Variants in PRKCE observed in about 807,000 individuals in gnomAD.
PRKCE encodes protein kinase C epsilon type.
In PRKCE, 16 loss-of-function variants were observed where a neutral mutation model predicts 85.4. That is an observed-to-expected ratio of 0.19 (90% CI 0.13 to 0.28). The LOEUF (loss-of-function observed/expected upper bound fraction) is 0.28. Ranked by LOEUF, PRKCE falls within the 10% of genes least tolerant of loss-of-function variation. PRKCE has a pLI of 1.00. For missense variants in PRKCE, 573 were observed against 975.2 expected (o/e 0.59, Z 5.49); for synonymous variants, 388 against 371.5 (o/e 1.04, Z -0.51).
At chr2:45,975,687 C>T (rs1462901680) in intron 2 of PRKCE, among the ~76,000 whole-genome samples, 1 of 152,128 alleles carries the variant, frequency 6.6e-6, no homozygotes, top group Non-Finnish European at 1.5e-5. Flanking sequence ...AGTCCCCTTG[C>T]AAGGCATTCT....
chr2:45,690,455 C>T (rs917799739), intron 1 of PRKCE, among the ~76,000 whole-genome samples: 3 of 152,218 alleles, frequency 2.0e-5, no homozygotes, highest in African/African-American at 7.2e-5. Flanking sequence ...GAAGGAAGCA[C>T]ATTTATTCAC....
chr2:45,781,090 T>C (rs1309850912), intron 1 of PRKCE, among the ~76,000 whole-genome samples: 2 of 152,010 alleles, frequency 1.3e-5, no homozygotes, highest in Non-Finnish European at 2.9e-5. Flanking sequence ...CCCAGCACTT[T>C]GGGAGGCTGA....
intron 11 of PRKCE, among the ~76,000 whole-genome samples, chr2:46,141,449 G>A (rs1256310987): frequency 1.3e-5 from 2 of 152,124 alleles, no homozygotes; most frequent in African/African-American, 4.8e-5. Flanking sequence ...ATGATCAAGA[G>A]AATACACAGG....
intron 1 of PRKCE, among the ~76,000 whole-genome samples, chr2:45,699,426 G>A (rs762761968): frequency 2.0e-5 from 3 of 152,190 alleles, no homozygotes; most frequent in Non-Finnish European, 2.9e-5. Flanking sequence ...GCTCAGTAAA[G>A]GTTGGCTGAG....
At chr2:45,877,031 C>T (rs916494993) in intron 2 of PRKCE, among the ~76,000 whole-genome samples, 3 of 152,182 alleles carry the variant, frequency 2.0e-5, no homozygotes, top group Non-Finnish European at 2.9e-5. Flanking sequence ...TTAAAGTTAA[C>T]CAGAACTTTT....
chr2:46,127,821 T>A (rs753057123), intron 11 of PRKCE, among the ~76,000 whole-genome samples: 8 of 152,234 alleles, frequency 5.3e-5, no homozygotes, highest in Non-Finnish European at 1.0e-4. Flanking sequence ...AGCTCACAGA[T>A]ACAGTAGGCA....
intron 1 of PRKCE, among the ~76,000 whole-genome samples, chr2:45,704,266 T>G (rs951249736): frequency 1.3e-5 from 2 of 152,190 alleles, no homozygotes; most frequent in African/African-American, 4.8e-5. Flanking sequence ...GCTTAGTATG[T>G]TGGGGTTGGT....
chr2:46,134,112 A>T (rs190074983), intron 11 of PRKCE, among the ~76,000 whole-genome samples: 1 of 152,332 alleles, frequency 6.6e-6, no homozygotes, highest in East Asian at 1.9e-4. Context: ...TACTCATTCC[A>T]TACATTATCT....
chr2:45,961,697 T>A (rs1054301938), intron 2 of PRKCE, among the ~76,000 whole-genome samples: 1 of 54,366 alleles, frequency 1.8e-5, no homozygotes, highest in African/African-American at 1.3e-4. Flanking sequence ...GCCAGGATTC[T>A]TTTTTTTTTT....
chr2:45,864,577 A>G (rs1693432003), intron 2 of PRKCE, among the ~76,000 whole-genome samples: 1 of 152,214 alleles, frequency 6.6e-6, no homozygotes, highest in African/African-American at 2.4e-5. Flanking sequence ...TGTCTTACAC[A>G]TTTTTATGAA....
chr2:45,809,578 T>C (rs1310735791), intron 1 of PRKCE, among the ~76,000 whole-genome samples: 5 of 151,988 alleles, frequency 3.3e-5, no homozygotes, highest in Non-Finnish European at 5.9e-5. Flanking sequence ...TGTTTTTTTT[T>C]CTCACACATG....
chr2:45,935,515 G>A (rs761502018), intron 2 of PRKCE, among the ~76,000 whole-genome samples: 27 of 152,132 alleles, frequency 1.8e-4, no homozygotes, highest in Non-Finnish European at 3.2e-4. Flanking sequence ...GGTTGGGCAC[G>A]GTGGCTCACG....
chr2:46,132,711 C>T lies in PRKCE; in HGVS notation c.1593-12382C>T, dbSNP rs982784155. On this transcript the variant is annotated intron_variant, in intron 11 of 14. Coordinates refer to ENST00000306156, the MANE Select transcript of PRKCE (RefSeq NM_005400.3). ...ATATATGCATATATGCACACGTGCG[C>T]GCACAAACACATTTCTTAGCCGTTG... is the stretch of plus-strand genomic sequence containing the variant. Among the ~76,000 whole-genome samples, 35 of 152,300 alleles carry T rather than the reference C, an allele frequency of 2.3e-4. 2 individuals carry two copies. Among genetic ancestry groups the T allele is most frequent in the Admixed American group, 1.6e-3 (24 of 15,300 alleles).
chr2:45,854,823 C>A (rs965123598), intron 2 of PRKCE, among the ~76,000 whole-genome samples: 24 of 152,072 alleles, frequency 1.6e-4, no homozygotes, highest in Admixed American at 9.8e-4. Flanking sequence ...TAAAATGTGG[C>A]CAAGTGGAAT....
rs139374925 is a variant in PRKCE, at chr2:46,055,491, G to A, written c.1438-30717G>A. On this transcript the variant is annotated intron_variant, in intron 10 of 14. Transcript: ENST00000306156. ...CTCAGTCAGACTGAAATTCATCAAA[G>A]CTAGTTATCTGGCTTGTGTATTTTC... 2.6e-3 allele frequency among the ~76,000 whole-genome samples: 390 copies of A among 152,318 alleles called. 5 individuals carry two copies. Among genetic ancestry groups the A allele is most frequent in the African/African-American group, 9.0e-3 (375 of 41,572 alleles).
intron 1 of PRKCE, among the ~76,000 whole-genome samples, chr2:45,706,398 T>C (rs1326938978): frequency 2.0e-5 from 3 of 152,356 alleles, no homozygotes; most frequent in Non-Finnish European, 2.9e-5. Context: ...CATTTTCATC[T>C]TTCCCTTCTT....
At position 46,007,610 on chromosome 2, in the gene PRKCE, C is replaced by A. The variant is rs1422919826; in HGVS notation, c.1212C>A (p.Gly404=). Residue 404 remains glycine, a synonymous_variant, in exon 9 of 15, where the codon GGC becomes GGA. Coordinates refer to ENST00000306156, the MANE Select transcript of PRKCE (RefSeq NM_005400.3). The part of the protein sequence containing the change: ...EVRQGQAKRL[G]LDEFNFIKVL... ...GGCAAGGCCAGGCCAAGCGCCTGGGCCTGGATGAGTTCAACTTCATCAAGG... is the reference window on the plus strand; with the variant it reads ...GGCAAGGCCAGGCCAAGCGCCTGGGACTGGATGAGTTCAACTTCATCAAGG... 2 of 1,599,746 alleles carry A rather than the reference C, an allele frequency of 1.3e-6. No individual in the cohort carries two copies. The highest frequency in any genetic ancestry group is 8.5e-7 in the Non-Finnish European group (1 of 1,179,958).
At chr2:45,999,435 G>C (rs1055250190) in intron 6 of PRKCE, among the ~76,000 whole-genome samples, 1 of 151,904 alleles carries the variant, frequency 6.6e-6, no homozygotes, top group Non-Finnish European at 1.5e-5. Context: ...AGGAGAGGTT[G>C]GATGTAATTC....
intron 10 of PRKCE, among the ~76,000 whole-genome samples, chr2:46,075,469 G>A (rs895644000): frequency 6.6e-6 from 1 of 152,116 alleles, no homozygotes; most frequent in Admixed American, 6.5e-5. Context: ...GGCTGGATGT[G>A]GTGGCTCACA....
Sources: gnomAD v4.1 joint callset for allele counts (sites outside exome capture counted in the v4.1 genomes callset) on GRCh38, gnomAD v4.1.1 for gene constraint, MANE v1.5 for transcripts, NCBI Gene and HGNC (gene_info 2026-07-23, HGNC 2026-07-21) for gene names.